Variants in B3GALT1 observed in about 807,000 individuals in gnomAD.
B3GALT1 encodes the protein beta-1,3-galactosyltransferase 1.
In B3GALT1, 10 loss-of-function variants were observed where a neutral mutation model predicts 23.2. That is an observed-to-expected ratio of 0.43 (90% CI 0.27 to 0.73). The LOEUF is 0.73. Ranked by LOEUF, B3GALT1 falls within the 30% of genes least tolerant of loss-of-function variation. The pLI is 0.21. For synonymous variants in B3GALT1, 156 were observed against 141.5 expected, an observed-to-expected ratio of 1.10 and a Z score of -0.73; for missense variants, 299 against 405.4, an observed-to-expected ratio of 0.74 and a Z score of 2.25.
intron 1 of B3GALT1, among the ~76,000 whole-genome samples, chr2:167,458,755 C>G (rs1359275685): frequency 6.6e-6 from 1 of 152,116 alleles, no homozygotes; most frequent in Non-Finnish European, 1.5e-5. Flanking sequence ...TGTTTATCAT[C>G]TGAAGAAATG....
chr2:167,449,586 C>G (rs952580884), intron 1 of B3GALT1, among the ~76,000 whole-genome samples: 9 of 152,092 alleles, frequency 5.9e-5, no homozygotes, highest in African/African-American at 2.2e-4. Flanking sequence ...TGCACTATTT[C>G]TTTTTCTTCT....
In B3GALT1 at chr2:167,729,428, G is replaced by A. The variant is rs368429880; in HGVS notation, c.-352+82462G>A. On this transcript the variant is annotated intron_variant, in intron 3 of 4. Transcript: ENST00000392690. ...AATTAGAGAAGAGCTGTGGGGAAATGGAGGAGCACATAGGTCCCTGAAACA... is the reference window on the plus strand; with the variant it reads ...AATTAGAGAAGAGCTGTGGGGAAATAGAGGAGCACATAGGTCCCTGAAACA... Among the ~76,000 whole-genome samples, 26 of 152,278 alleles carry A rather than the reference G, an allele frequency of 1.7e-4. No homozygotes were observed. In the East Asian group the frequency reaches 1.9e-3, roughly 11 times the overall value.
intron 2 of B3GALT1, among the ~76,000 whole-genome samples, chr2:167,641,206 T>A (rs549018671): frequency 6.6e-6 from 1 of 152,266 alleles, no homozygotes; most frequent in African/African-American, 2.4e-5. Context: ...TTTAATAACC[T>A]CTATCTATGT....
At chr2:167,664,636 C>T (rs985248845) in intron 3 of B3GALT1, among the ~76,000 whole-genome samples, 4 of 152,052 alleles carry the variant, frequency 2.6e-5, no homozygotes, top group East Asian at 3.9e-4. Flanking sequence ...CTTTTATTTC[C>T]TCGAGCAGTG....
chr2:167,680,843 GATAAA>G (rs372479724), intron 3 of B3GALT1, among the ~76,000 whole-genome samples: 15 of 152,152 alleles, frequency 9.9e-5, no homozygotes, highest in African/African-American at 2.6e-4. Flanking sequence ...AAATGAAATA[GATAAA>G]ATAAAATGAC....
At chr2:167,349,463 C>T (rs553303856) in intron 1 of B3GALT1, among the ~76,000 whole-genome samples, 1 of 152,142 alleles carries the variant, frequency 6.6e-6, no homozygotes, top group East Asian at 1.9e-4. Flanking sequence ...TAAAGTGCTT[C>T]CTTTATATGA....
chr2:167,776,503 T>G (rs1194767313), intron 3 of B3GALT1, among the ~76,000 whole-genome samples: 1 of 152,204 alleles, frequency 6.6e-6, no homozygotes, highest in African/African-American at 2.4e-5. Context: ...CACGAGTGAC[T>G]GAGCTAGGCG....
chr2:167,753,326 C>T (rs1489837236), intron 3 of B3GALT1, among the ~76,000 whole-genome samples: 5 of 152,202 alleles, frequency 3.3e-5, no homozygotes, highest in African/African-American at 1.2e-4. Context: ...TCAATCTGCG[C>T]TAGCCATGGG....
intron 3 of B3GALT1, among the ~76,000 whole-genome samples, chr2:167,696,358 A>C (rs575439849): frequency 6.6e-6 from 1 of 151,514 alleles, no homozygotes; most frequent in Non-Finnish European, 1.5e-5. Flanking sequence ...TAAGACATGT[A>C]AAATACCTAG....
chr2:167,756,920 G>C (rs1163295445), intron 3 of B3GALT1, among the ~76,000 whole-genome samples: 1 of 152,078 alleles, frequency 6.6e-6, no homozygotes, highest in Non-Finnish European at 1.5e-5. Context: ...TCTCTTTTTA[G>C]TGTTAGGAGG....
intron 1 of B3GALT1, among the ~76,000 whole-genome samples, chr2:167,483,777 G>A (rs1699589024): frequency 1.3e-5 from 2 of 152,142 alleles, no homozygotes; most frequent in Non-Finnish European, 2.9e-5. Flanking sequence ...GAAACTATAT[G>A]TTAAATATAT....
chr2:167,379,400 A>G (rs1179739440), intron 1 of B3GALT1, among the ~76,000 whole-genome samples: 1 of 151,980 alleles, frequency 6.6e-6, no homozygotes, highest in African/African-American at 2.4e-5. Flanking sequence ...CTTTCCCTAT[A>G]ATATTATTAT....
chr2:167,607,921 A>G (rs1684994803), intron 2 of B3GALT1, among the ~76,000 whole-genome samples: 1 of 152,164 alleles, frequency 6.6e-6, no homozygotes, highest in Non-Finnish European at 1.5e-5. Flanking sequence ...TAGCAGAAAA[A>G]GACATGTTGA....
intron 3 of B3GALT1, among the ~76,000 whole-genome samples, chr2:167,812,979 G>GCACA (rs1386947097): frequency 1.9e-5 from 2 of 104,866 alleles, no homozygotes; most frequent in Non-Finnish European, 4.0e-5. Flanking sequence ...ACACACACAC[G>GCACA]CACCACCACC....
In B3GALT1 at chr2:167,716,106, C is replaced by T. The variant is rs184275656; in HGVS notation, c.-352+69140C>T. On this transcript the variant is annotated intron_variant, in intron 3 of 4. Coordinates refer to ENST00000392690, the MANE Select transcript of B3GALT1 (RefSeq NM_020981.4). ...TGGCGGTCACCGCAGTTAACACTGG[C>T]CACAACAAGCGGTGGAGAACACGCA... 7 of 1,508,132 alleles carry T rather than the reference C, an allele frequency of 4.6e-6. No homozygotes were observed. The Admixed American group carries it at 9.1e-5, about 20-fold the overall frequency. 93.4% of individuals were successfully genotyped at this position (1,508,132 alleles called of 1,614,324 possible).
At chr2:167,707,560 CTT>C (rs1212688219) in intron 3 of B3GALT1, among the ~76,000 whole-genome samples, 4 of 151,894 alleles carry the variant, frequency 2.6e-5, no homozygotes, top group Non-Finnish European at 5.9e-5. Flanking sequence ...CCGTGCTTTC[CTT>C]TCTCCATCTT....
intron 3 of B3GALT1, among the ~76,000 whole-genome samples, chr2:167,809,886 A>T (rs1688843860): frequency 6.6e-6 from 1 of 152,168 alleles, no homozygotes; most frequent in Admixed American, 6.5e-5. Flanking sequence ...CCAGAGGTGG[A>T]GTCTACAGAG....
intron 1 of B3GALT1, among the ~76,000 whole-genome samples, chr2:167,426,647 A>G (rs1023699509): frequency 6.6e-6 from 1 of 152,210 alleles, no homozygotes; most frequent in African/African-American, 2.4e-5. Context: ...GAACATAGAC[A>G]GTCCTAGTAA....
intron 4 of B3GALT1, among the ~76,000 whole-genome samples, chr2:167,838,776 C>A (rs1252118313): frequency 6.6e-6 from 1 of 152,260 alleles, no homozygotes; most frequent in Admixed American, 6.5e-5. Context: ...CAAAAATCCT[C>A]AATAAAATAC....
Sources: gnomAD v4.1 joint callset for allele counts (sites outside exome capture counted in the v4.1 genomes callset) on GRCh38, gnomAD v4.1.1 for gene constraint, MANE v1.5 for transcripts, NCBI Gene and HGNC (gene_info 2026-07-23, HGNC 2026-07-21) for gene names.